The following TMEM106A variants were observed in gnomAD, a reference collection of about 807,000 sequenced individuals.
TMEM106A encodes the protein transmembrane protein 106A.
TMEM106A carries 22 observed loss-of-function variants against 25.1 expected under a neutral mutation model. That is an observed-to-expected ratio of 0.88 (90% CI 0.63 to 1.25). The LOEUF (loss-of-function observed/expected upper bound fraction) is 1.25, where lower values mean the gene tolerates loss of function less well. Among genes scored for constraint, TMEM106A ranks in the 50% most tolerant of loss-of-function variants. TMEM106A has a pLI of 0.00. For synonymous variants in TMEM106A, 104 were observed against 129.9 expected, an observed-to-expected ratio of 0.80 and a Z score of 1.35; for missense variants, 275 against 318.1, an observed-to-expected ratio of 0.86 and a Z score of 1.03.
Position 43,215,878 on chromosome 17 carries a change from G to T in TMEM106A, c.366G>T (p.Gln122His). The T allele has an allele frequency of 6.2e-7, 1 of 1,614,078 alleles. No individual in the cohort carries two copies. Among genetic ancestry groups the T allele is most frequent in the Non-Finnish European group, 8.5e-7 (1 of 1,180,022 alleles). ...TGTTTCCCCGGTCCGTCATTGTGCA[G>T]CCTGCAGGCCTCAACTCCTCCACAG... Reference protein sequence around the residue: ...FFLFPRSVIVQPAGLNSSTVA... With the variant: ...FFLFPRSVIVHPAGLNSSTVA... The change falls in exon 5 of 9, where the codon CAG becomes CAT. Residue 122 changes from glutamine to histidine, a missense_variant. By Grantham distance (24) the Gln-to-His change is conservative. Coordinates refer to ENST00000612339, the MANE Select transcript of TMEM106A (RefSeq NM_145041.4).
At chr17:43,212,689 G>A (rs1447229132) in intron 2 of TMEM106A, among the ~76,000 whole-genome samples, 1 of 152,106 alleles carries the variant, frequency 6.6e-6, no homozygotes, top group Non-Finnish European at 1.5e-5. Context: ...CCCTTAAACT[G>A]AATGACAGCT....
rs2057511866 is a variant in TMEM106A, at chr17:43,218,972, G to A, written c.*1171G>A. 6.6e-6 allele frequency: 1 copy of A among 152,164 alleles called. No homozygotes were observed. The highest frequency in any genetic ancestry group is 2.1e-4 in the South Asian group (1 of 4,824). The allele number at this position is 152,164 out of a possible 1,614,324, so 9.4% of individuals were successfully genotyped here. On this transcript the variant is annotated 3_prime_UTR_variant, in exon 9 of 9. Transcript: ENST00000612339. ...TAGTTTTACTATTCTTTTCATAGCAGGAGCCAAAATAGTAGAGGAGGGGAG... is the reference window on the plus strand; with the variant it reads ...TAGTTTTACTATTCTTTTCATAGCAAGAGCCAAAATAGTAGAGGAGGGGAG...
At chr17:43,216,147 G>A (rs1358741151) in intron 5 of TMEM106A, 2 of 706,240 alleles carry the variant, frequency 2.8e-6, no homozygotes, top group Non-Finnish European at 4.6e-6. Context: ...GTCAGAATCC[G>A]GGCCAGATAA....
At position 43,217,267 on chromosome 17, in the gene TMEM106A, G is replaced by A; in HGVS notation, c.623G>A (p.Cys208Tyr). The A allele has an allele frequency of 6.2e-7, 1 of 1,614,168 alleles. No homozygotes were observed. Among genetic ancestry groups the A allele is most frequent in the Non-Finnish European group, 8.5e-7 (1 of 1,180,020 alleles). Residue 208 changes from cysteine to tyrosine, a missense_variant, in exon 8 of 9, where the codon TGT becomes TAT. Transcript: ENST00000612339. Reference sequence around the variant, plus strand: ...CTTTTCTTCTCTCTCAGCAAAATCTGTACCTGGCTGGAAATCAAAGTCCAC... The same window carrying A: ...CTTTTCTTCTCTCTCAGCAAAATCTATACCTGGCTGGAAATCAAAGTCCAC... Reference protein sequence around the residue: ...KIRDENTYKICTWLEIKVHHV... With the variant: ...KIRDENTYKIYTWLEIKVHHV...
At chr17:43,214,920 A>C (rs1422231867) in intron 4 of TMEM106A, among the ~76,000 whole-genome samples, 1 of 149,178 alleles carries the variant, frequency 6.7e-6, no homozygotes, top group Non-Finnish European at 1.5e-5. Flanking sequence ...AGATCATGCC[A>C]CTGCACTCCA....
rs770580539 is a variant in TMEM106A, at chr17:43,215,737, T to A, written c.276-51T>A. 4.4e-6 allele frequency: 7 copies of A among 1,605,524 alleles called. No homozygotes were observed. In the South Asian group the frequency reaches 7.7e-5, roughly 18 times the overall value. ...GTCTGAACCCCCTCTCCGAGTTTCC[T>A]TGGTGTTCAGACTTTTCCATTCCTC... On this transcript the variant is annotated intron_variant, in intron 4 of 8. Coordinates refer to ENST00000612339, the MANE Select transcript of TMEM106A (RefSeq NM_145041.4).
intron 4 of TMEM106A, among the ~76,000 whole-genome samples, chr17:43,215,390 T>C (rs889184230): frequency 2.0e-5 from 3 of 152,268 alleles, no homozygotes; most frequent in African/African-American, 4.8e-5. Context: ...TATGGACTTA[T>C]TTCTTCTAGT....
At chr17:43,215,478 A>C (rs1410049569) in intron 4 of TMEM106A, among the ~76,000 whole-genome samples, 1 of 152,160 alleles carries the variant, frequency 6.6e-6, no homozygotes, top group East Asian at 1.9e-4. Context: ...TTAGCCGATA[A>C]CAAATTCTGT....
Position 43,215,927 on chromosome 17 carries a change from T to C in TMEM106A, c.415T>C (p.Tyr139His). ...STVAFDEADI[Y>H]LNITNILNIS... is the part of the protein sequence containing the mutation. The stretch of plus-strand genomic sequence containing the variant: ...AGTGGCCTTTGATGAGGCTGATATC[T>C]ACCTCAACATAACGGTGGGTGGGTG... Residue 139 changes from tyrosine (Y) to histidine (H), a missense_variant, in exon 5 of 9, where the codon TAC (tyrosine) becomes CAC (histidine). Tyr to His is a moderately conservative substitution (Grantham distance 83). Transcript: ENST00000612339. 6.2e-7 allele frequency: 1 copy of C among 1,614,138 alleles called. No individual in the cohort carries two copies. Among genetic ancestry groups the C allele is most frequent in the Non-Finnish European group, 8.5e-7 (1 of 1,180,030 alleles).
At position 43,215,776 on chromosome 17, in the gene TMEM106A, G is replaced by A. The variant is rs762480541; in HGVS notation, c.276-12G>A. The A allele has an allele frequency of 6.2e-7, 1 of 1,613,238 alleles. No individual in the cohort carries two copies. Among genetic ancestry groups the A allele is most frequent in the Non-Finnish European group, 8.5e-7 (1 of 1,179,994 alleles). On this transcript the variant is annotated splice_polypyrimidine_tract_variant and intron_variant, in intron 4 of 8. Coordinates refer to ENST00000612339, the MANE Select transcript of TMEM106A (RefSeq NM_145041.4). Reference sequence around the variant, plus strand: ...TTTCCATTCCTCCATCCTGGGTCCTGCTTTCCCACAGGAAGCTCTTTGTGT... The same window carrying A: ...TTTCCATTCCTCCATCCTGGGTCCTACTTTCCCACAGGAAGCTCTTTGTGT...
chr17:43,216,386 C>T, intron 5 of TMEM106A, 63 bp from the exon 6 acceptor site: 1 of 1,595,500 alleles, frequency 6.3e-7, no homozygotes, highest in Non-Finnish European at 8.6e-7. Flanking sequence ...GCTTTTGCAA[C>T]TGTTTGGCTT....
rs771953019 is a variant in TMEM106A, at chr17:43,216,729, T to C, written c.603T>C (p.Asp201=). 6.2e-7 allele frequency: 1 copy of C among 1,614,216 alleles called. No individual in the cohort carries two copies. Among genetic ancestry groups the C allele is most frequent in the Non-Finnish European group, 8.5e-7 (1 of 1,180,040 alleles). ...MFYAVATKIR[D]ENTYKICTWL... is the part of the protein sequence containing the mutation. ...ACGCAGTAGCTACCAAGATACGGGA[T>C]GAAAACACATAGTGAGTACCCCTTG... The change falls in exon 7 of 9, where the codon GAT becomes GAC. Residue 201 remains aspartate, a synonymous_variant. Transcript: ENST00000612339.
At chr17:43,212,795 T>C (rs1368890895) in intron 2 of TMEM106A, among the ~76,000 whole-genome samples, 1 of 152,224 alleles carries the variant, frequency 6.6e-6, no homozygotes, top group Admixed American at 6.5e-5. Context: ...GTTTTCCCTT[T>C]TGTAGGCAGA....
rs1181038384 is a variant in TMEM106A at position 43,217,278 on chromosome 17, G to A, written c.634G>A (p.Glu212Lys). ...ENTYKICTWL[E>K]IKVHHVLLHI... Reference sequence around the variant, plus strand: ...TCTCAGCAAAATCTGTACCTGGCTGGAAATCAAAGTCCACCATGTGCTTTT... The same window carrying A: ...TCTCAGCAAAATCTGTACCTGGCTGAAAATCAAAGTCCACCATGTGCTTTT... The change falls in exon 8 of 9, where the codon GAA becomes AAA. Residue 212 changes from glutamate (E) to lysine (K), a missense_variant. Glu to Lys is a moderately conservative substitution (Grantham distance 56). Transcript: ENST00000612339. 1 of 1,614,226 alleles carries A rather than the reference G, an allele frequency of 6.2e-7. No homozygotes were observed. Among genetic ancestry groups the A allele is most frequent in the South Asian group, 1.1e-5 (1 of 91,084 alleles).
intron 7 of TMEM106A, 178 bp downstream of exon 7, chr17:43,216,918 C>A (rs748143409): frequency 2.6e-6 from 2 of 783,672 alleles, no homozygotes; most frequent in Non-Finnish European, 4.2e-6. Context: ...TTGTTTGGAC[C>A]TTGATTAGAA....
intron 3 of TMEM106A, 103 bp from the exon 4 acceptor site, chr17:43,213,725 A>G: frequency 2.6e-6 from 3 of 1,148,740 alleles, no homozygotes; most frequent in Non-Finnish European, 2.6e-6. Context: ...TGTTTCTAAC[A>G]TTGCTCTATG....
intron 3 of TMEM106A, 68 bp from the exon 4 acceptor site, chr17:43,213,760 G>T: frequency 6.6e-7 from 1 of 1,524,438 alleles, no homozygotes; most frequent in Non-Finnish European, 9.1e-7. Flanking sequence ...GTGCTTCTGG[G>T]AAGCTGGCAC....
rs1352186250 is a variant in TMEM106A at position 43,218,285 on chromosome 17, G to A, written c.*484G>A. On this transcript the variant is annotated 3_prime_UTR_variant, in exon 9 of 9. Coordinates refer to ENST00000612339, the MANE Select transcript of TMEM106A (RefSeq NM_145041.4). ...TACTGAGCACCTGGTCAGTCTGAAG[G>A]GGGCATTTCACCCCAGCTCCATCAG... 1.2e-5 allele frequency: 2 copies of A among 161,414 alleles called. No individual in the cohort carries two copies. Among genetic ancestry groups the A allele is most frequent in the African/African-American group, 4.8e-5 (2 of 41,516 alleles). 10.0% of individuals were successfully genotyped at this position (161,414 alleles called of 1,614,324 possible). A position where few individuals can be genotyped will look rare whatever the true frequency, so the allele number is the denominator to read the frequency against.
rs985772101 is a variant in TMEM106A, at chr17:43,216,026, G to T, written c.429+85G>T. On this transcript the variant is annotated intron_variant, in intron 5 of 8. Transcript: ENST00000612339. ...GTCCAGTGTTATGACCCTGGGCATG[G>T]GAAGCCAGAGATCTTATGGCACCCA... The T allele has an allele frequency of 3.9e-6, 6 of 1,541,394 alleles. No homozygotes were observed. In the African/African-American group the frequency reaches 4.1e-5, roughly 11 times the overall value.
Sources: allele counts gnomAD v4.1 joint callset (sites outside exome capture counted in the v4.1 genomes callset), GRCh38; gene constraint gnomAD v4.1.1; transcripts MANE v1.5; gene names NCBI Gene and HGNC (gene_info 2026-07-23, HGNC 2026-07-21).